The following VEGFA variants were observed in gnomAD, a reference collection of about 807,000 sequenced individuals.
The protein encoded by VEGFA is vascular endothelial growth factor A.
In VEGFA, 20 loss-of-function variants were observed where a neutral mutation model predicts 49.7. The observed-to-expected ratio is 0.40, with a 90% CI of 0.28 to 0.58. The LOEUF is 0.58. Ranked by LOEUF, VEGFA falls within the 20% of genes least tolerant of loss-of-function variation. The pLI, the probability that VEGFA is intolerant of heterozygous loss-of-function variation, is 0.40. For synonymous variants in VEGFA, 219 were observed against 223.4 expected, an observed-to-expected ratio of 0.98 and a Z score of 0.18; for missense variants, 505 against 553.5, an observed-to-expected ratio of 0.91 and a Z score of 0.88.
At chr6:43,784,429 T>G (rs969608431) in intron 7 of VEGFA, 112 bp from the exon 8 acceptor site, 7 of 989,144 alleles carry the variant, frequency 7.1e-6, no homozygotes, top group African/African-American at 3.2e-5. Context: ...GCTCTTATGG[T>G]GCCGGAGGCT....
intron 4 of VEGFA, 145 bp from the exon 5 acceptor site, chr6:43,778,744 A>ATATATAT: frequency 1.9e-6 from 2 of 1,041,428 alleles, no homozygotes; most frequent in Non-Finnish European, 2.9e-6. Flanking sequence ...TGATTAAACA[A>ATATATAT]GTTATATATG....
chr6:43,777,934 C>G lies in VEGFA; in HGVS notation c.855+269C>G. On this transcript the variant is annotated intron_variant, in intron 3 of 7. Coordinates refer to ENST00000672860, the MANE Select transcript of VEGFA (RefSeq NM_003376.6). The surrounding 1 kb of genome is among the most constrained non-coding windows in gnomAD (Gnocchi z 4.3). ...ACAGATGGATGCCTGTGTCAGGAGC[C>G]CCTCTCTCCCTCTCTTGGAGAGAGT... The G allele has an allele frequency of 1.9e-6, 1 of 537,002 alleles. No homozygotes were observed. Among genetic ancestry groups the G allele is most frequent in the East Asian group, 3.2e-5 (1 of 31,442 alleles). 33.3% of individuals were successfully genotyped at this position (537,002 alleles called of 1,614,324 possible). A position where few individuals can be genotyped will look rare whatever the true frequency, so the allele number is the denominator to read the frequency against.
Position 43,781,902 on chromosome 6 carries a change from C to T in VEGFA, c.1035-54C>T, listed in dbSNP as rs74635332. On this transcript the variant is annotated intron_variant, in intron 6 of 7. Coordinates refer to ENST00000672860, the MANE Select transcript of VEGFA (RefSeq NM_003376.6). ...GGGGTGTTGCATGGTGATTTTTTTT[C>T]TCTCTCTCTGCTGATGCTCTAGCTT... 6 of 1,596,816 alleles carry T rather than the reference C, an allele frequency of 3.8e-6. No homozygotes were observed. In the Admixed American group the frequency reaches 6.7e-5, roughly 18 times the overall value.
In VEGFA at chr6:43,777,164, G is replaced by A. The variant is rs778779968; in HGVS notation, c.659-305G>A. The A allele has an allele frequency of 1.3e-5, 6 of 463,608 alleles. No homozygotes were observed. The highest frequency in any genetic ancestry group is 2.0e-5 in the South Asian group (1 of 50,418). The allele number at this position is 463,608 out of a possible 1,614,324, so 28.7% of individuals were successfully genotyped here. A position where few individuals can be genotyped will look rare whatever the true frequency, so the allele number is the denominator to read the frequency against. ...CATACTCAGACTGTCCTCTGGCATC[G>A]AGGTTGGCCCAGGATTCAGTTCAGC... On this transcript the variant is annotated intron_variant, in intron 2 of 7. Transcript: ENST00000672860. This position sits in a 1 kb window ranked among gnomAD's most constrained non-coding sequence, Gnocchi z 4.3.
chr6:43,772,170 C>G, intron 1 of VEGFA: 1 of 708,024 alleles, frequency 1.4e-6, no homozygotes, highest in Non-Finnish European at 1.7e-6. Context: ...CCTACCTCTG[C>G]CCAGTGCTAG....
chr6:43,779,574 G>T (rs1582510377), intron 5 of VEGFA: 1 of 395,292 alleles, frequency 2.5e-6, no homozygotes, highest in Non-Finnish European at 5.1e-6. Flanking sequence ...TGCAGGGAAA[G>T]AGAGACTGAG....
intron 1 of VEGFA, chr6:43,772,210 C>A: frequency 3.1e-6 from 1 of 320,852 alleles, no homozygotes; most frequent in Non-Finnish European, 4.5e-6. Context: ...CTTCTCTTCA[C>A]CCATTTCCTT....
At chr6:43,776,861 G>T (rs554698655) in intron 2 of VEGFA, 2 of 172,572 alleles carry the variant, frequency 1.2e-5, no homozygotes, top group Non-Finnish European at 2.5e-5. Context: ...CGGCCTTGGG[G>T]CAACTTACTT....
chr6:43,774,260 GA>G (rs1019059708), intron 1 of VEGFA, 80 bp from the exon 2 acceptor site: 513 of 1,449,854 alleles, frequency 3.5e-4, no homozygotes, highest in Admixed American at 9.7e-4. Context: ...GGGAAGTGAG[GA>G]GGGAGGAGGG....
At position 43,770,232 on chromosome 6, in the gene VEGFA, G is replaced by A. The variant is rs1763190877; in HGVS notation, c.-475G>A. ...GATCGCGGAGGCTTGGGGCAGCCGG[G>A]TAGCTCGGAGGTCGTGGCGCTGGGG... On this transcript the variant is annotated 5_prime_UTR_variant, in exon 1 of 8. Coordinates refer to ENST00000672860, the MANE Select transcript of VEGFA (RefSeq NM_003376.6). 4 of 246,192 alleles carry A rather than the reference G, an allele frequency of 1.6e-5. No individual in the cohort carries two copies. The highest frequency in any genetic ancestry group is 3.2e-5 in the Non-Finnish European group (4 of 126,952). The allele number at this position is 246,192 out of a possible 1,614,324, so 15.3% of individuals were successfully genotyped here.
chr6:43,772,455 T>TG (rs1371135652), intron 1 of VEGFA, among the ~76,000 whole-genome samples: 2 of 152,262 alleles, frequency 1.3e-5, no homozygotes, highest in African/African-American at 4.8e-5. Context: ...TTAGCTCTCG[T>TG]GGGGGTGGGT....
chr6:43,774,209 C>A (rs561468547), intron 1 of VEGFA, 132 bp from the exon 2 acceptor site: 7 of 922,524 alleles, frequency 7.6e-6, no homozygotes, highest in South Asian at 1.4e-5. Context: ...GTGTCCTGTT[C>A]GACTCAGAAG....
chr6:43,774,889 T>C (rs833070), intron 2 of VEGFA: 100,289 of 175,290 alleles, frequency 0.57, 29,570 homozygotes, highest in East Asian at 0.74. Context: ...GAAAACCCCA[T>C]TTGACTATGT....
chr6:43,784,496 C>T lies in VEGFA; in HGVS notation c.1167-45C>T, dbSNP rs752960358. On this transcript the variant is annotated intron_variant, in intron 7 of 7. Coordinates refer to ENST00000672860, the MANE Select transcript of VEGFA (RefSeq NM_003376.6). ...GGCCGCCTGCCTCATCGCCAGGCCT[C>T]CTCACTTGGCCCTAACCCCAGCCTT... The T allele has an allele frequency of 3.7e-6, 6 of 1,608,250 alleles. No homozygotes were observed. The East Asian group carries it at 6.7e-5, about 18-fold the overall frequency.
Position 43,770,966 on chromosome 6 carries a change from G to T in VEGFA, c.260G>T (p.Arg87Leu). ...GCCGCGAGAAGTGCTAGCTCGGGCC[G>T]GGAGGAGCCGCAGCCGGAGGAGGGG... Residue 87 changes from arginine to leucine, a missense_variant, in exon 1 of 8, where the codon CGG (arginine) becomes CTG (leucine). Around this residue, in one of 2 missense-constraint regions of VEGFA, gnomAD observed 340 missense variants for 321.8 expected, o/e 1.06. Transcript: ENST00000672860. 6.5e-7 allele frequency: 1 copy of T among 1,543,908 alleles called. No homozygotes were observed. The highest frequency in any genetic ancestry group is 8.7e-7 in the Non-Finnish European group (1 of 1,145,106).
rs1284410244 is a variant in VEGFA at position 43,778,482 on chromosome 6, A to G, written c.878A>G (p.Gln293Arg). 6.2e-7 allele frequency: 1 copy of G among 1,614,052 alleles called. No individual in the cohort carries two copies. The highest frequency in any genetic ancestry group is 1.3e-5 in the African/African-American group (1 of 74,936). The change falls in exon 4 of 8, where the codon CAA becomes CGA. Residue 293 changes from glutamine to arginine, a missense_variant. Coordinates refer to ENST00000672860, the MANE Select transcript of VEGFA (RefSeq NM_003376.6). ...CAGATTATGCGGATCAAACCTCACCAAGGCCAGCACATAGGAGAGATGAGC... is the reference window on the plus strand; with the variant it reads ...CAGATTATGCGGATCAAACCTCACCGAGGCCAGCACATAGGAGAGATGAGC...
intron 2 of VEGFA, chr6:43,776,585 A>G (rs556829968): frequency 3.9e-5 from 6 of 152,428 alleles, no homozygotes; most frequent in Admixed American, 6.5e-5. Context: ...TGTTTTTTCC[A>G]TGATGCAAGC....
At chr6:43,779,158 G>A in intron 5 of VEGFA, 1 of 606,672 alleles carries the variant, frequency 1.6e-6, no homozygotes, top group South Asian at 2.0e-5. Flanking sequence ...ATGCCTTCTG[G>A]GTCTCCAGAT....
intron 2 of VEGFA, chr6:43,776,689 C>A (rs1251836864): frequency 1.3e-5 from 2 of 153,868 alleles, no homozygotes; most frequent in African/African-American, 4.8e-5. Context: ...GGGCCCAGCC[C>A]CTGTGCTGAT....
Sources: gnomAD v4.1 joint callset for allele counts (sites outside exome capture counted in the v4.1 genomes callset) on GRCh38, gnomAD v4.1.1 for gene constraint, gnomAD v4.1.1 regional missense constraint, Gnocchi (gnomAD v3.1) non-coding constraint, MANE v1.5 for transcripts, NCBI Gene and HGNC (gene_info 2026-07-23, HGNC 2026-07-21) for gene names.